PCDHGB7: variants seen among roughly 807,000 people sequenced by gnomAD.
PCDHGB7 encodes the protein protocadherin gamma subfamily B, 7.
In PCDHGB7, 37 loss-of-function variants were observed where a neutral mutation model predicts 61.4. The observed-to-expected ratio is 0.60, with a 90% CI of 0.46 to 0.79. The LOEUF (loss-of-function observed/expected upper bound fraction) is 0.79. Among genes scored for constraint, PCDHGB7 ranks in the 30% least tolerant of loss-of-function variants. The pLI, the probability that PCDHGB7 is intolerant of heterozygous loss-of-function variation, is 0.00. For missense variants in PCDHGB7, 1,166 were observed against 1,202.5 expected (o/e 0.97, Z 0.45); for synonymous variants, 464 against 503.5 (o/e 0.92, Z 1.05).
Position 141,487,247 on chromosome 5 carries a change from T to C in PCDHGB7, c.2416-7560T>C. Reference sequence around the variant, plus strand: ...GGAAGGAGAATCTCGTCTAACCCTCTACTTGGCTGTGTCCCTAGTGGCAAT... The same window carrying C: ...GGAAGGAGAATCTCGTCTAACCCTCCACTTGGCTGTGTCCCTAGTGGCAAT... On this transcript the variant is annotated intron_variant, in intron 1 of 3. Transcript: ENST00000398594. This position sits in a 1 kb window ranked among gnomAD's most constrained non-coding sequence, Gnocchi z 5.0. 1 of 1,614,174 alleles carries C rather than the reference T, an allele frequency of 6.2e-7. No individual in the cohort carries two copies. The highest frequency in any genetic ancestry group is 1.3e-5 in the African/African-American group (1 of 75,048).
intron 2 of PCDHGB7, among the ~76,000 whole-genome samples, chr5:141,499,112 A>G (rs550424495): frequency 6.6e-6 from 1 of 152,238 alleles, no homozygotes; most frequent in African/African-American, 2.4e-5. Context: ...CCCCACCACT[A>G]TCCCTTCTCA....
intron 2 of PCDHGB7, among the ~76,000 whole-genome samples, chr5:141,504,078 CCAAA>C (rs1272625151): frequency 6.6e-6 from 1 of 152,078 alleles, no homozygotes; most frequent in South Asian, 2.1e-4. Context: ...CCAGATGGTG[CCAAA>C]CAGTTACCTA....
rs550343206 is a variant in PCDHGB7, at chr5:141,417,892, C to T, written c.33C>T (p.Ala11=). The change falls in exon 1 of 4, where the codon GCC becomes GCT. Residue 11 remains alanine, a synonymous_variant. Coordinates refer to ENST00000398594, the MANE Select transcript of PCDHGB7 (RefSeq NM_018927.4). ...GGAGCTGCGCGCAGAGGCGCCGGGCCGGCCCGCGGCAGGTACTATTTCCTT... is the reference window on the plus strand; with the variant it reads ...GGAGCTGCGCGCAGAGGCGCCGGGCTGGCCCGCGGCAGGTACTATTTCCTT... MGGSCAQRRR[A]GPRQVLFPLL... The T allele has an allele frequency of 8.3e-6, 13 of 1,570,660 alleles. No homozygotes were observed. Among genetic ancestry groups the T allele is most frequent in the African/African-American group, 5.4e-5 (4 of 73,802 alleles).
chr5:141,481,167 A>C (rs77180710), intron 1 of PCDHGB7, among the ~76,000 whole-genome samples: 2,577 of 152,328 alleles, frequency 0.017, 78 homozygotes, highest in African/African-American at 0.059. Flanking sequence ...GCAGAACCAG[A>C]ATCCAGCTTT....
rs1562137380 is a variant in PCDHGB7, at chr5:141,490,297, G to T, written c.2416-4510G>T. On this transcript the variant is annotated intron_variant, in intron 1 of 3. Coordinates refer to ENST00000398594, the MANE Select transcript of PCDHGB7 (RefSeq NM_018927.4). This position sits in a 1 kb window ranked among gnomAD's most constrained non-coding sequence, Gnocchi z 5.4. The stretch of plus-strand genomic sequence containing the variant: ...TGACAATGCCCCAGAGGTGCTATTG[G>T]CCTCTTTGGCCAACCCTGTCCTAGA... 2 of 1,614,202 alleles carry T rather than the reference G, an allele frequency of 1.2e-6. No individual in the cohort carries two copies. Among genetic ancestry groups the T allele is most frequent in the South Asian group, 1.1e-5 (1 of 91,086 alleles).
chr5:141,482,248 C>G (rs1056466272), intron 1 of PCDHGB7, among the ~76,000 whole-genome samples: 1 of 152,084 alleles, frequency 6.6e-6, no homozygotes, highest in African/African-American at 2.4e-5. Context: ...AAGTATAGTA[C>G]TGTACATATT....
Position 141,432,521 on chromosome 5 carries a change from G to C in PCDHGB7, c.2415+12247G>C. ...CCGCTCCGCAGAGCCCGGCTACCTG[G>C]TGACCAAGGTGGTGGCGGTGGACAG... On this transcript the variant is annotated intron_variant, in intron 1 of 3. Transcript: ENST00000398594. The surrounding 1 kb of genome is among the most constrained non-coding windows in gnomAD (Gnocchi z 6.0). 1.2e-6 allele frequency: 2 copies of C among 1,614,112 alleles called. No individual in the cohort carries two copies. The highest frequency in any genetic ancestry group is 1.7e-6 in the Non-Finnish European group (2 of 1,180,028).
Position 141,432,292 on chromosome 5 carries a change from T to C in PCDHGB7, c.2415+12018T>C, listed in dbSNP as rs1339412798. 2 of 1,614,078 alleles carry C rather than the reference T, an allele frequency of 1.2e-6. No individual in the cohort carries two copies. The highest frequency in any genetic ancestry group is 2.2e-5 in the East Asian group (1 of 44,888). On this transcript the variant is annotated intron_variant, in intron 1 of 3. Coordinates refer to ENST00000398594, the MANE Select transcript of PCDHGB7 (RefSeq NM_018927.4). The surrounding 1 kb of genome is among the most constrained non-coding windows in gnomAD (Gnocchi z 6.0). ...CCTACGTGTCCATCAACTCCGACAC[T>C]GGGGTACTGTATGCGCTGAGCTCCT...
At chr5:141,442,294 C>A (rs1194203452) in intron 1 of PCDHGB7, 1 of 152,584 alleles carries the variant, frequency 6.6e-6, no homozygotes, top group Admixed American at 6.5e-5. Context: ...ATGATCCTGT[C>A]TGAGTCTTTC....
At chr5:141,433,246 T>C (rs775015156) in intron 1 of PCDHGB7, 1 of 1,462,358 alleles carries the variant, frequency 6.8e-7, no homozygotes, top group Non-Finnish European at 9.3e-7. Flanking sequence ...CAAGCTGGAA[T>C]GCAGCGGTAC....
At position 141,417,874 on chromosome 5, in the gene PCDHGB7, C is replaced by A. The variant is rs768197455; in HGVS notation, c.15C>A (p.Cys5Ter). The A allele has an allele frequency of 1.3e-6, 2 of 1,555,202 alleles. No homozygotes were observed. Among genetic ancestry groups the A allele is most frequent in the African/African-American group, 2.7e-5 (2 of 73,276 alleles). The part of the protein sequence containing the change: MGGS[C>*]AQRRRAGPRQ... ...CCGAGCGAACGATGGGAGGGAGCTG[C>A]GCGCAGAGGCGCCGGGCCGGCCCGC... is the stretch of plus-strand genomic sequence containing the variant. The change falls in exon 1 of 4, where the codon TGC (cysteine) becomes TGA (stop). Residue 5 changes from cysteine (C) to a stop codon, truncating the protein, a stop_gained. Transcript: ENST00000398594. LOFTEE classifies it high-confidence loss of function.
rs142703691 is a variant in PCDHGB7 at position 141,489,691 on chromosome 5, C to T, written c.2416-5116C>T. On this transcript the variant is annotated intron_variant, in intron 1 of 3. Transcript: ENST00000398594. The surrounding 1 kb of genome is among the most constrained non-coding windows in gnomAD (Gnocchi z 4.5). ...CTCAGAATCAGCAGCATCTGGGGCACGATTCCCACTGGACAGTGCCCAGGA... is the reference window on the plus strand; with the variant it reads ...CTCAGAATCAGCAGCATCTGGGGCATGATTCCCACTGGACAGTGCCCAGGA... 8.1e-6 allele frequency: 13 copies of T among 1,614,164 alleles called. No individual in the cohort carries two copies. The highest frequency in any genetic ancestry group is 3.3e-5 in the South Asian group (3 of 91,080).
intron 1 of PCDHGB7, among the ~76,000 whole-genome samples, chr5:141,473,350 G>A (rs28461214): frequency 0.13 from 19,833 of 152,204 alleles, 1,410 homozygotes; most frequent in African/African-American, 0.17. Context: ...CAGTGAGGAT[G>A]CAAGTGGCCA....
chr5:141,475,553 T>A (rs1159585016), intron 1 of PCDHGB7, among the ~76,000 whole-genome samples: 2 of 152,260 alleles, frequency 1.3e-5, no homozygotes, highest in Non-Finnish European at 2.9e-5. Flanking sequence ...GTCCGGCTAA[T>A]TGTCTGTCTT....
intron 1 of PCDHGB7, chr5:141,420,985 C>T (rs1371634966): frequency 4.1e-6 from 2 of 487,950 alleles, no homozygotes; most frequent in African/African-American, 4.0e-5. Flanking sequence ...GGGCTCTAGG[C>T]GCCGCTGCTC....
chr5:141,487,919 A>G lies in PCDHGB7; in HGVS notation c.2416-6888A>G, dbSNP rs548678238. ...ATGGAATGTGGGAGCACAGGAGGCTACAGTGCACAGGGTACAGTGCACCAG... is the reference window on the plus strand; with the variant it reads ...ATGGAATGTGGGAGCACAGGAGGCTGCAGTGCACAGGGTACAGTGCACCAG... On this transcript the variant is annotated intron_variant, in intron 1 of 3. Transcript: ENST00000398594. The surrounding 1 kb of genome is among the most constrained non-coding windows in gnomAD (Gnocchi z 5.0). 23 of 644,878 alleles carry G rather than the reference A, an allele frequency of 3.6e-5. No individual in the cohort carries two copies. Among genetic ancestry groups the G allele is most frequent in the Non-Finnish European group, 5.6e-5 (21 of 374,374 alleles). 39.9% of individuals were successfully genotyped at this position (644,878 alleles called of 1,614,324 possible). A position where few individuals can be genotyped will look rare whatever the true frequency, so the allele number is the denominator to read the frequency against.
intron 1 of PCDHGB7, chr5:141,421,935 A>G: frequency 6.2e-7 from 1 of 1,613,514 alleles, no homozygotes; most frequent in East Asian, 2.2e-5. Context: ...TCCTCGATGT[A>G]AATGATCACA....
chr5:141,480,217 G>A (rs1443825272), intron 1 of PCDHGB7, among the ~76,000 whole-genome samples: 2 of 147,950 alleles, frequency 1.4e-5, no homozygotes, highest in Non-Finnish European at 3.0e-5. Context: ...CAGCCTGAGC[G>A]ACATAGTGAG....
chr5:141,419,810 C>G lies in PCDHGB7; in HGVS notation c.1951C>G (p.Gln651Glu), dbSNP rs368168278. 27 of 1,613,946 alleles carry G rather than the reference C, an allele frequency of 1.7e-5. No individual in the cohort carries two copies. Among genetic ancestry groups the G allele is most frequent in the Non-Finnish European group, 2.1e-5 (25 of 1,179,894 alleles). Residue 651 changes from glutamine (Q) to glutamate (E), a missense_variant, in exon 1 of 4, where the codon CAG becomes GAG. Transcript: ENST00000398594. Reference protein sequence around the residue: ...RLLVAVRDGGQPPLSATATLH... With the variant: ...RLLVAVRDGGEPPLSATATLH... ...GCTAGTCGCTGTAAGAGATGGAGGA[C>G]AGCCACCCCTTTCAGCCACTGCCAC...
Sources: allele counts gnomAD v4.1 joint callset (sites outside exome capture counted in the v4.1 genomes callset), GRCh38; gene constraint gnomAD v4.1.1; non-coding constraint Gnocchi (gnomAD v3.1); transcripts MANE v1.5; gene names NCBI Gene and HGNC (gene_info 2026-07-23, HGNC 2026-07-21).